DDX23: variants seen among roughly 807,000 people sequenced by gnomAD.
The protein encoded by DDX23 is DEAD-box helicase 23.
A neutral mutation model predicts 102.7 loss-of-function variants in DDX23; 33 were observed. The observed-to-expected ratio is 0.32, with a 90% CI of 0.24 to 0.43. The LOEUF is 0.43. DDX23 is among the 20% of genes least tolerant of loss of function. DDX23 has a pLI of 1.00. For synonymous variants in DDX23, 352 were observed against 376.0 expected (o/e 0.94, Z 0.74); for missense variants, 549 against 1,086.6 (o/e 0.51, Z 6.96).
At chr12:48,841,438 G>C (rs992596246) in intron 3 of DDX23, among the ~76,000 whole-genome samples, 4 of 151,956 alleles carry the variant, frequency 2.6e-5, no homozygotes, top group African/African-American at 4.8e-5. Context: ...AAAGCTTCAG[G>C]CTCCCTCTCC....
chr12:48,835,244 A>AAAATAAATAAATAAATAAATAAT (rs1938451482), intron 11 of DDX23: 1 of 194,032 alleles, frequency 5.2e-6, no homozygotes, highest in Admixed American at 5.6e-5. Flanking sequence ...TCCATCTCAA[A>AAAATAAATAAATAAATAAATAAT]AAATAAATAA....
At chr12:48,841,315 G>A (rs1044372639) in intron 3 of DDX23, among the ~76,000 whole-genome samples, 2 of 152,206 alleles carry the variant, frequency 1.3e-5, no homozygotes, top group Non-Finnish European at 2.9e-5. Context: ...GAACCCAAGA[G>A]GCAGAGGTTG....
chr12:48,846,535 C>G (rs189030024), intron 1 of DDX23, among the ~76,000 whole-genome samples: 163 of 152,186 alleles, frequency 1.1e-3, no homozygotes, highest in African/African-American at 3.8e-3. Context: ...ATCTGGATTA[C>G]GTTATAATTA....
chr12:48,833,508 A>G lies in DDX23; in HGVS notation c.1572T>C (p.Ala524=). Residue 524 remains alanine (A), a synonymous_variant, in exon 13 of 17, where the codon GCT becomes GCC. Coordinates refer to ENST00000308025, the MANE Select transcript of DDX23 (RefSeq NM_004818.3). ...RLRMGCEIVI[A]TPGRLIDVLE... ...GCACATCAATCAAACGCCCAGGGGT[A>G]GCAATCACAATCTGAGGAGTACAGT... is the stretch of plus-strand genomic sequence containing the variant. 6.2e-7 allele frequency: 1 copy of G among 1,614,084 alleles called. No homozygotes were observed. The highest frequency in any genetic ancestry group is 8.5e-7 in the Non-Finnish European group (1 of 1,180,034).
rs1395816497 is a variant in DDX23 at position 48,831,321 on chromosome 12, T to G, written c.2065-5A>C. ...GTGCAGTGTGCAAGCATTGTACTGT[T>G]GGAAGAATGGTGAAGTGAAGAGTGA... On this transcript the variant is annotated splice_region_variant and splice_polypyrimidine_tract_variant and intron_variant, in intron 15 of 16. Coordinates refer to ENST00000308025, the MANE Select transcript of DDX23 (RefSeq NM_004818.3). 2 of 1,613,890 alleles carry G rather than the reference T, an allele frequency of 1.2e-6. No individual in the cohort carries two copies. The highest frequency in any genetic ancestry group is 2.2e-5 in the South Asian group (2 of 91,078).
Position 48,833,272 on chromosome 12 carries a change from C to T in DDX23, c.1803+5G>A, listed in dbSNP as rs541974485. 3 of 1,614,104 alleles carry T rather than the reference C, an allele frequency of 1.9e-6. No homozygotes were observed. In the South Asian group the frequency reaches 3.3e-5, roughly 18 times the overall value. On this transcript the variant is annotated splice_donor_5th_base_variant and intron_variant, in intron 13 of 16. Transcript: ENST00000308025. ...ACTTTTCCCAGCCCAGGGAAGCAGC[C>T]TTACTTGGCGGTACTTATGTTTTCC...
At position 48,837,037 on chromosome 12, in the gene DDX23, C is replaced by T. The variant is rs1374659961; in HGVS notation, c.867G>A (p.Leu289=). 1 of 1,613,752 alleles carries T rather than the reference C, an allele frequency of 6.2e-7. No homozygotes were observed. The highest frequency in any genetic ancestry group is 8.5e-7 in the Non-Finnish European group (1 of 1,180,014). Reference sequence around the variant, plus strand: ...ACTGCACCTGGTGCCGTTCTTTGTACCTGGGATTGAGATAGAGGAAAAGAA... The same window carrying T: ...ACTGCACCTGGTGCCGTTCTTTGTATCTGGGATTGAGATAGAGGAAAAGAA... ...SEDTSIDYNP[L]YKERHQVQLL... The change falls in exon 9 of 17, where the codon CTG becomes CTA. Residue 289 remains leucine, a splice_region_variant and synonymous_variant. Transcript: ENST00000308025.
At chr12:48,837,179 T>G in intron 8 of DDX23, 102 bp downstream of exon 8, 1 of 1,549,352 alleles carries the variant, frequency 6.5e-7, no homozygotes, top group Non-Finnish European at 8.8e-7. Flanking sequence ...AGTCTACCAA[T>G]TTTCCATCCC....
chr12:48,830,465 T>G lies in DDX23; in HGVS notation c.*4A>C. ...TGCCCTCAGCCCACAGGAAGAGTGC[T>G]GTGTCAGGCAAAGATGGTCTCTTCC... is the stretch of plus-strand genomic sequence containing the variant. On this transcript the variant is annotated 3_prime_UTR_variant, in exon 17 of 17. Coordinates refer to ENST00000308025, the MANE Select transcript of DDX23 (RefSeq NM_004818.3). This position sits in a 1 kb window ranked among gnomAD's most constrained non-coding sequence, Gnocchi z 4.9. 6.2e-7 allele frequency: 1 copy of G among 1,613,888 alleles called. No individual in the cohort carries two copies. The highest frequency in any genetic ancestry group is 8.5e-7 in the Non-Finnish European group (1 of 1,179,886).
At chr12:48,833,108 T>C (rs1172573601) in intron 13 of DDX23, among the ~76,000 whole-genome samples, 169 bp downstream of exon 13, 2 of 152,164 alleles carry the variant, frequency 1.3e-5, no homozygotes, top group African/African-American at 4.8e-5. Context: ...CTCAGCCTCC[T>C]GAGTGGCTGG....
chr12:48,837,459 A>G, intron 7 of DDX23, 65 bp downstream of exon 7: 3 of 1,610,282 alleles, frequency 1.9e-6, no homozygotes, highest in Non-Finnish European at 2.5e-6. Flanking sequence ...AGAGATCACA[A>G]TGGCCAAATA....
At position 48,834,303 on chromosome 12, in the gene DDX23, T is replaced by C. The variant is rs910311716; in HGVS notation, c.1560+17A>G. 6.3e-7 allele frequency: 1 copy of C among 1,596,246 alleles called. No individual in the cohort carries two copies. The highest frequency in any genetic ancestry group is 8.5e-7 in the Non-Finnish European group (1 of 1,170,530). On this transcript the variant is annotated intron_variant, in intron 12 of 16. Transcript: ENST00000308025. ...CCTTCCCAGACAGCAGGCTGGCTGC[T>C]AGATAGAAAAACAAACCTCACAACC...
intron 12 of DDX23, 67 bp from the exon 13 acceptor site, chr12:48,833,586 C>A (rs934876831): frequency 1.3e-6 from 2 of 1,566,330 alleles, no homozygotes; most frequent in South Asian, 1.2e-5. Context: ...TGTGAACTAT[C>A]CACCCACTTG....
Position 48,837,047 on chromosome 12 carries a change from A to C in DDX23, c.867-10T>G. The C allele has an allele frequency of 6.2e-7, 1 of 1,613,494 alleles. No homozygotes were observed. The highest frequency in any genetic ancestry group is 8.5e-7 in the Non-Finnish European group (1 of 1,179,916). ...GTGCCGTTCTTTGTACCTGGGATTGAGATAGAGGAAAAGAAAAAAGAAGGA... is the reference window on the plus strand; with the variant it reads ...GTGCCGTTCTTTGTACCTGGGATTGCGATAGAGGAAAAGAAAAAAGAAGGA... On this transcript the variant is annotated splice_polypyrimidine_tract_variant and intron_variant, in intron 8 of 16. Transcript: ENST00000308025.
intron 1 of DDX23, among the ~76,000 whole-genome samples, chr12:48,851,865 G>A (rs540309142): frequency 1.1e-3 from 164 of 152,354 alleles, no homozygotes; most frequent in African/African-American, 3.8e-3. Flanking sequence ...AGTCCTGGGA[G>A]GAAAATATCG....
Position 48,832,283 on chromosome 12 carries a change from T to G in DDX23, c.1956-97A>C. ...TGAACACTACTTTCAGGGTCTTTAA[T>G]GCCCATGACATTCTGCCCAAGAAAA... On this transcript the variant is annotated intron_variant, in intron 14 of 16. Coordinates refer to ENST00000308025, the MANE Select transcript of DDX23 (RefSeq NM_004818.3). The surrounding 1 kb of genome is among the most constrained non-coding windows in gnomAD (Gnocchi z 4.4). The G allele has an allele frequency of 6.5e-7, 1 of 1,545,240 alleles. No homozygotes were observed. The highest frequency in any genetic ancestry group is 2.3e-5 in the East Asian group (1 of 44,342).
chr12:48,840,634 C>A (rs1158427246), intron 3 of DDX23, among the ~76,000 whole-genome samples: 1 of 151,270 alleles, frequency 6.6e-6, no homozygotes, highest in East Asian at 1.9e-4. Context: ...CTCACTGCAA[C>A]CTCCGCCTCC....
intron 1 of DDX23, among the ~76,000 whole-genome samples, chr12:48,851,097 C>T (rs940295666): frequency 7.9e-5 from 12 of 152,126 alleles, no homozygotes; most frequent in African/African-American, 2.9e-4. Flanking sequence ...ATTTAACAAG[C>T]ATCTACTGTA....
Position 48,837,560 on chromosome 12 carries a change from T to C in DDX23, c.717A>G (p.Glu239=), listed in dbSNP as rs1253347001. 2 of 1,614,076 alleles carry C rather than the reference T, an allele frequency of 1.2e-6. No individual in the cohort carries two copies. The highest frequency in any genetic ancestry group is 2.7e-5 in the African/African-American group (2 of 74,930). The part of the protein sequence containing the change: ...EDEEGRQKIR[E]EKDKSKELHA... ...GCAGTTCCTTGCTCTTATCCTTCTC[T>C]TCCCGGATCTTCTGCCGCCCTTCCT... The change falls in exon 7 of 17, where the codon GAA becomes GAG. Residue 239 remains glutamate (E), a synonymous_variant. Transcript: ENST00000308025.
Sources: allele counts gnomAD v4.1 joint callset (sites outside exome capture counted in the v4.1 genomes callset), GRCh38; gene constraint gnomAD v4.1.1; non-coding constraint Gnocchi (gnomAD v3.1); transcripts MANE v1.5; gene names NCBI Gene and HGNC (gene_info 2026-07-23, HGNC 2026-07-21).